DSCAM: variants seen among roughly 807,000 people sequenced by gnomAD.
DSCAM encodes cell adhesion molecule DSCAM.
In DSCAM, 47 loss-of-function variants were observed where a neutral mutation model predicts 217.7. The observed-to-expected ratio is 0.22, with a 90% CI of 0.17 to 0.28. The LOEUF is 0.28. DSCAM is among the 10% of genes least tolerant of loss of function. The pLI is 1.00. For missense variants in DSCAM, 2,080 were observed against 2,618.3 expected, an observed-to-expected ratio of 0.79 and a Z score of 4.49; for synonymous variants, 1,056 against 1,015.3, an observed-to-expected ratio of 1.04 and a Z score of -0.76.
intron 27 of DSCAM, 105 bp from the exon 28 acceptor site, chr21:40,063,004 A>G (rs1244385209): frequency 2.0e-6 from 2 of 1,010,066 alleles, no homozygotes; most frequent in Non-Finnish European, 2.8e-6. Context: ...GTCATTTTGA[A>G]ACACAATCAT....
intron 20 of DSCAM, among the ~76,000 whole-genome samples, chr21:40,119,310 C>T (rs2090006632): frequency 6.6e-6 from 1 of 152,092 alleles, no homozygotes. Context: ...AGCTTGAAGG[C>T]TTCTGGTCAG....
At chr21:40,061,792 A>G (rs987951163) in intron 28 of DSCAM, among the ~76,000 whole-genome samples, 8 of 152,116 alleles carry the variant, frequency 5.3e-5, no homozygotes, top group Admixed American at 1.3e-4. Context: ...ATATGTATAG[A>G]TGGAGGAGGA....
chr21:40,528,447 T>C (rs777253324), intron 3 of DSCAM, among the ~76,000 whole-genome samples: 2 of 152,198 alleles, frequency 1.3e-5, no homozygotes, highest in Non-Finnish European at 2.9e-5. Flanking sequence ...ATAAATAGAA[T>C]AATGCATAGC....
At chr21:40,280,979 G>A (rs2073752850) in intron 10 of DSCAM, among the ~76,000 whole-genome samples, 1 of 152,186 alleles carries the variant, frequency 6.6e-6, no homozygotes, top group Non-Finnish European at 1.5e-5. Flanking sequence ...GAGTGAGCTT[G>A]GGAGAAGACC....
At position 40,819,674 on chromosome 21, in the gene DSCAM, G is replaced by A. The variant is rs996635671; in HGVS notation, c.43+26945C>T. Among the ~76,000 whole-genome samples the A allele has an allele frequency of 6.6e-5, 10 of 152,204 alleles. No individual in the cohort carries two copies. In the South Asian group the frequency reaches 8.3e-4, roughly 13 times the overall value. ...TATTGATCTGCATTGGCTTATATGC[G>A]AATTTCTAATTTCTTCCAACATTCT... On this transcript the variant is annotated intron_variant, in intron 1 of 32. Coordinates refer to ENST00000400454, the MANE Select transcript of DSCAM (RefSeq NM_001389.5).
chr21:40,397,860 T>C (rs2075195905), intron 3 of DSCAM, among the ~76,000 whole-genome samples: 1 of 152,052 alleles, frequency 6.6e-6, no homozygotes, highest in Admixed American at 6.6e-5. Context: ...CCACCACCAC[T>C]ACTACCACTA....
intron 3 of DSCAM, among the ~76,000 whole-genome samples, chr21:40,651,342 A>G (rs760228325): frequency 6.6e-6 from 1 of 152,216 alleles, no homozygotes; most frequent in Non-Finnish European, 1.5e-5. Context: ...GCAAAAGTGT[A>G]TTCAATATTT....
intron 3 of DSCAM, among the ~76,000 whole-genome samples, chr21:40,687,568 A>G (rs1198192329): frequency 3.3e-5 from 5 of 152,048 alleles, no homozygotes; most frequent in East Asian, 1.9e-4. Flanking sequence ...CCCTCCCCAC[A>G]TGAGAATACG....
At chr21:40,068,440 T>G (rs1411676422) in intron 27 of DSCAM, among the ~76,000 whole-genome samples, 1 of 152,200 alleles carries the variant, frequency 6.6e-6, no homozygotes, top group Non-Finnish European at 1.5e-5. Flanking sequence ...TCTCTCTGTA[T>G]ATAATATATA....
intron 3 of DSCAM, among the ~76,000 whole-genome samples, chr21:40,371,144 A>T (rs988309913): frequency 6.6e-6 from 1 of 152,176 alleles, no homozygotes; most frequent in Admixed American, 6.5e-5. Flanking sequence ...TTAGACATTT[A>T]GTTTAAAATA....
intron 4 of DSCAM, among the ~76,000 whole-genome samples, chr21:40,357,811 T>C (rs1353683171): frequency 2.0e-5 from 3 of 151,750 alleles, no homozygotes; most frequent in African/African-American, 7.3e-5. Context: ...TGTATATATA[T>C]GTAACGAACC....
chr21:40,037,881 A>T (rs1211401368), intron 32 of DSCAM, among the ~76,000 whole-genome samples: 1 of 147,302 alleles, frequency 6.8e-6, no homozygotes, highest in Admixed American at 6.8e-5. Context: ...CAACTATCTG[A>T]TCTTTGACCA....
At chr21:40,237,549 C>CT (rs971358628) in intron 11 of DSCAM, among the ~76,000 whole-genome samples, 10 of 152,224 alleles carry the variant, frequency 6.6e-5, no homozygotes, top group East Asian at 1.9e-4. Context: ...TAAACTCATC[C>CT]TTTTTTATGG....
At chr21:40,065,101 C>G (rs1370313989) in intron 27 of DSCAM, among the ~76,000 whole-genome samples, 1 of 151,952 alleles carries the variant, frequency 6.6e-6, no homozygotes, top group Non-Finnish European at 1.5e-5. Context: ...CAGAGTCCTA[C>G]CAGGTGTACA....
intron 3 of DSCAM, among the ~76,000 whole-genome samples, chr21:40,524,991 C>T (rs1442157728): frequency 8.8e-6 from 1 of 113,668 alleles, no homozygotes; most frequent in Non-Finnish European, 1.7e-5. Context: ...GCCTGGGCAA[C>T]AGAGTGAGAC....
intron 3 of DSCAM, among the ~76,000 whole-genome samples, chr21:40,536,554 A>G (rs867142698): frequency 3.3e-5 from 5 of 151,804 alleles, no homozygotes; most frequent in Middle Eastern, 6.9e-3. Context: ...GGCGCCCACC[A>G]CCACGCCTGG....
intron 3 of DSCAM, among the ~76,000 whole-genome samples, chr21:40,380,089 T>C (rs901197198): frequency 3.9e-5 from 6 of 152,358 alleles, no homozygotes; most frequent in South Asian, 2.1e-4. Context: ...ATTTCTTTTA[T>C]GTAAATAAAA....
rs1162461894 is a variant in DSCAM, at chr21:40,473,402, T to C, written c.509-104157A>G. Among the ~76,000 whole-genome samples the C allele has an allele frequency of 2.6e-5, 4 of 152,290 alleles. No homozygotes were observed. The East Asian group carries it at 7.7e-4, about 29-fold the overall frequency. On this transcript the variant is annotated intron_variant, in intron 3 of 32. Transcript: ENST00000400454. Reference sequence around the variant, plus strand: ...GGCAGTAACTAAATCAAGAGGGGGCTGAGAAGCCATCTGACAATAACGGCC... The same window carrying C: ...GGCAGTAACTAAATCAAGAGGGGGCCGAGAAGCCATCTGACAATAACGGCC...
At chr21:40,488,263 G>T (rs758584986) in intron 3 of DSCAM, among the ~76,000 whole-genome samples, 60 of 152,212 alleles carry the variant, frequency 3.9e-4, no homozygotes, top group Non-Finnish European at 7.5e-4. Context: ...TCCTCTCTGA[G>T]TTTCTGCTTC....
Sources: allele counts gnomAD v4.1 joint callset (sites outside exome capture counted in the v4.1 genomes callset), GRCh38; gene constraint gnomAD v4.1.1; transcripts MANE v1.5; gene names NCBI Gene and HGNC (gene_info 2026-07-23, HGNC 2026-07-21).